CREB3L1: variants seen among roughly 807,000 people sequenced by gnomAD.
CREB3L1 encodes cAMP responsive element binding protein 3 like 1.
CREB3L1 carries 33 observed loss-of-function variants against 54.5 expected under a neutral mutation model. The ratio of observed to expected loss-of-function variants is 0.61; its 90% CI spans 0.46 to 0.81. The LOEUF (loss-of-function observed/expected upper bound fraction) is 0.81, where lower values mean the gene tolerates loss of function less well. Ranked by LOEUF, CREB3L1 falls within the 30% of genes least tolerant of loss-of-function variation. The probability of loss-of-function intolerance (pLI) is 0.00; values close to 1 mark genes in which losing one functional copy is unlikely to be tolerated. For synonymous variants in CREB3L1, 284 were observed against 286.4 expected (o/e 0.99, Z 0.08); for missense variants, 656 against 673.3 (o/e 0.97, Z 0.29).
chr11:46,315,231 AC>A, intron 8 of CREB3L1: 9 of 244,166 alleles, frequency 3.7e-5, no homozygotes, highest in East Asian at 6.9e-5. Flanking sequence ...ATCCCACCTG[AC>A]CCCCCACCCC....
At chr11:46,297,815 G>C (rs775570897) in intron 1 of CREB3L1, among the ~76,000 whole-genome samples, 1 of 152,134 alleles carries the variant, frequency 6.6e-6, no homozygotes, top group Non-Finnish European at 1.5e-5. Flanking sequence ...CCCACCATTG[G>C]TTCCAAGCTC....
At chr11:46,300,930 G>A (rs1162550666) in intron 2 of CREB3L1, among the ~76,000 whole-genome samples, 1 of 151,190 alleles carries the variant, frequency 6.6e-6, no homozygotes, top group African/African-American at 2.4e-5. Context: ...GCGTGAACCC[G>A]GGAGGCGGAG....
At chr11:46,290,461 C>G (rs977331841) in intron 1 of CREB3L1, among the ~76,000 whole-genome samples, 7 of 152,170 alleles carry the variant, frequency 4.6e-5, no homozygotes, top group Admixed American at 1.3e-4. Context: ...CCTTCCAGCC[C>G]TGCCCTCTGC....
intron 8 of CREB3L1, chr11:46,316,014 G>A (rs954125747): frequency 5.1e-6 from 2 of 392,706 alleles, no homozygotes; most frequent in African/African-American, 4.1e-5. Flanking sequence ...TGCAGCTGGG[G>A]GCAGGCCTTC....
chr11:46,312,744 G>A, intron 7 of CREB3L1, 74 bp downstream of exon 7: 1 of 1,549,432 alleles, frequency 6.5e-7, no homozygotes, highest in East Asian at 2.4e-5. Flanking sequence ...CCCTCAGGGG[G>A]CAGCAGAGGC....
chr11:46,287,982 A>C (rs952693936), intron 1 of CREB3L1, among the ~76,000 whole-genome samples: 3 of 152,198 alleles, frequency 2.0e-5, no homozygotes, highest in African/African-American at 7.2e-5. Flanking sequence ...TCTCAAAAAA[A>C]AAAAATCACG....
rs1259542841 is a variant in CREB3L1 at position 46,307,989 on chromosome 11, A to G, written c.505A>G (p.Ile169Val). 6.5e-7 allele frequency: 1 copy of G among 1,542,614 alleles called. No homozygotes were observed. Among genetic ancestry groups the G allele is most frequent in the Non-Finnish European group, 8.7e-7 (1 of 1,145,930 alleles). The change falls in exon 3 of 12, where the codon ATC (isoleucine) becomes GTC (valine). Residue 169 changes from isoleucine (I) to valine (V), a missense_variant. This residue lies in a region of CREB3L1 where 339 missense variants were observed against 331.5 expected (regional missense o/e 1.02). Transcript: ENST00000621158. ...CCTCAGCCCCTTGTCCAGGCTGCCCATCCCCCACCAGGTGAGCCTGGGAAC... is the reference window on the plus strand; with the variant it reads ...CCTCAGCCCCTTGTCCAGGCTGCCCGTCCCCCACCAGGTGAGCCTGGGAAC... ...LGLSPLSRLP[I>V]PHQAPGEMTQ...
At position 46,317,564 on chromosome 11, in the gene CREB3L1, G is replaced by A. The variant is rs56823150; in HGVS notation, c.1258+77G>A. The A allele has an allele frequency of 6.0e-4, 942 of 1,560,074 alleles. 8 individuals carry two copies. The African/African-American group carries it at 0.012, about 19-fold the overall frequency. ...AGCCCCAGTGTCCAGGCAGAAGCCA[G>A]ACATAAGAGAGAAGCCAAGTGTGGG... is the stretch of plus-strand genomic sequence containing the variant. On this transcript the variant is annotated intron_variant, in intron 10 of 11. Coordinates refer to ENST00000621158, the MANE Select transcript of CREB3L1 (RefSeq NM_052854.4).
intron 1 of CREB3L1, among the ~76,000 whole-genome samples, chr11:46,289,320 A>C (rs1355928834): frequency 1.3e-5 from 2 of 152,226 alleles, no homozygotes; most frequent in African/African-American, 4.8e-5. Context: ...CAGAGGTTGC[A>C]GTGACCCAAG....
At chr11:46,284,160 G>A (rs1198150269) in intron 1 of CREB3L1, among the ~76,000 whole-genome samples, 1 of 152,188 alleles carries the variant, frequency 6.6e-6, no homozygotes, top group East Asian at 1.9e-4. Context: ...AAACACACTT[G>A]ACCCTCCAGT....
chr11:46,298,438 C>T (rs796908228), intron 1 of CREB3L1, among the ~76,000 whole-genome samples: 15 of 152,328 alleles, frequency 9.8e-5, no homozygotes, highest in African/African-American at 3.6e-4. Context: ...TGGCCTACAC[C>T]TGTAATCCCA....
intron 2 of CREB3L1, 51 bp downstream of exon 2, chr11:46,300,214 G>A: frequency 7.0e-7 from 1 of 1,418,492 alleles, no homozygotes; most frequent in East Asian, 2.4e-5. Flanking sequence ...GGCCCAGGAG[G>A]GAGGAAGCTC....
At chr11:46,317,929 G>A (rs917864933) in intron 10 of CREB3L1, among the ~76,000 whole-genome samples, 3 of 152,166 alleles carry the variant, frequency 2.0e-5, no homozygotes, top group Non-Finnish European at 4.4e-5. Flanking sequence ...AGTTAAGAAG[G>A]ACCCTGGGCC....
Position 46,310,030 on chromosome 11 carries a change from G to C in CREB3L1, c.558G>C (p.Glu186Asp). 2 of 1,603,164 alleles carry C rather than the reference G, an allele frequency of 1.2e-6. No homozygotes were observed. The highest frequency in any genetic ancestry group is 1.7e-6 in the Non-Finnish European group (2 of 1,175,124). The change falls in exon 4 of 12, where the codon GAG (glutamate) becomes GAC (aspartate). Residue 186 changes from glutamate to aspartate, a missense_variant. Glu to Asp is a conservative substitution (Grantham distance 45). Transcript: ENST00000621158. Reference protein sequence around the residue: ...EMTQLPVIKAEPLEVNQFLKV... With the variant: ...EMTQLPVIKADPLEVNQFLKV... ...CTCAGCTGCCAGTGATCAAAGCAGA[G>C]CCTCTGGAGGTGAACCAGTTCCTCA...
intron 10 of CREB3L1, 23 bp from the exon 11 acceptor site, chr11:46,320,241 C>T (rs1184107603): frequency 6.4e-7 from 1 of 1,562,496 alleles, no homozygotes; most frequent in Admixed American, 1.9e-5. Context: ...GGGCACACCG[C>T]TCATCCTACA....
chr11:46,287,653 G>A (rs948546837), intron 1 of CREB3L1, among the ~76,000 whole-genome samples: 2 of 152,038 alleles, frequency 1.3e-5, no homozygotes, highest in Non-Finnish European at 2.9e-5. Context: ...GGGCACATGA[G>A]ATATTTTGGT....
intron 2 of CREB3L1, among the ~76,000 whole-genome samples, chr11:46,301,004 CAAAAAAA>C (rs57840608): frequency 8.0e-5 from 3 of 37,668 alleles, no homozygotes; most frequent in East Asian, 1.6e-3. Flanking sequence ...GACTCCATCT[CAAAAAAA>C]AAAAAAAAAA....
At chr11:46,280,308 G>C (rs955113051) in intron 1 of CREB3L1, among the ~76,000 whole-genome samples, 3 of 151,252 alleles carry the variant, frequency 2.0e-5, no homozygotes, top group African/African-American at 7.3e-5. Context: ...CTGTCTCAGC[G>C]TCCCGAGTAG....
chr11:46,301,408 C>T (rs1000663950), intron 2 of CREB3L1, among the ~76,000 whole-genome samples: 1 of 151,814 alleles, frequency 6.6e-6, no homozygotes, highest in African/African-American at 2.4e-5. Flanking sequence ...GAGGCTGATG[C>T]GGGTGGATCA....
Sources: gnomAD v4.1 joint callset for allele counts (sites outside exome capture counted in the v4.1 genomes callset) on GRCh38, gnomAD v4.1.1 for gene constraint, gnomAD v4.1.1 regional missense constraint, MANE v1.5 for transcripts, NCBI Gene and HGNC (gene_info 2026-07-23, HGNC 2026-07-21) for gene names.